Variants in SYCP1 observed in about 807,000 individuals in gnomAD.
The protein encoded by SYCP1 is synaptonemal complex protein 1.
A neutral mutation model predicts 153.1 loss-of-function variants in SYCP1; 64 were observed. The ratio of observed to expected loss-of-function variants is 0.42; its 90% CI spans 0.34 to 0.51. SYCP1 has a LOEUF of 0.51. Among genes scored for constraint, SYCP1 ranks in the 20% least tolerant of loss-of-function variants. SYCP1 has a pLI of 0.06. For synonymous variants in SYCP1, 384 were observed against 341.8 expected (o/e 1.12, Z -1.36); for missense variants, 997 against 1,049.0 (o/e 0.95, Z 0.68).
chr1:114,908,621 TA>T (rs755685119), intron 16 of SYCP1, among the ~76,000 whole-genome samples: 2 of 152,212 alleles, frequency 1.3e-5, no homozygotes, highest in African/African-American at 2.4e-5. Flanking sequence ...TCTTTCCTTG[TA>T]ATCTCCATTG....
rs372189437 is a variant in SYCP1 at position 114,978,619 on chromosome 1, C to A, written c.2382+1003C>A. ...TTTTCTTTACATATAGTGATATAATCTCCTAAGTTCCCACAGAGGTTGCTC... is the reference window on the plus strand; with the variant it reads ...TTTTCTTTACATATAGTGATATAATATCCTAAGTTCCCACAGAGGTTGCTC... On this transcript the variant is annotated intron_variant, in intron 28 of 31. Transcript: ENST00000369522. Among the ~76,000 whole-genome samples, 4 of 151,548 alleles carry A rather than the reference C, an allele frequency of 2.6e-5. No homozygotes were observed. The East Asian group carries it at 5.8e-4, about 22-fold the overall frequency.
intron 17 of SYCP1, 138 bp downstream of exon 17, chr1:114,910,639 T>C: frequency 3.9e-6 from 2 of 513,884 alleles, no homozygotes; most frequent in Non-Finnish European, 6.6e-6. Context: ...CATTAATATA[T>C]TTATGATTGA....
rs752361345 is a variant in SYCP1, at chr1:114,878,235, T to G, written c.910+33T>G. 3 of 1,292,638 alleles carry G rather than the reference T, an allele frequency of 2.3e-6. No homozygotes were observed. The Admixed American group carries it at 6.1e-5, about 26-fold the overall frequency. The allele number at this position is 1,292,638 out of a possible 1,614,324, so 80.1% of individuals were successfully genotyped here. On this transcript the variant is annotated intron_variant, in intron 12 of 31. Transcript: ENST00000369522. The stretch of plus-strand genomic sequence containing the variant: ...TTTATATAAGATAATATAATGTGCC[T>G]TATGTATTCCTCTTGTTATGTTCTA...
chr1:114,977,648 T>C, intron 28 of SYCP1, 32 bp downstream of exon 28: 1 of 1,321,402 alleles, frequency 7.6e-7, no homozygotes, highest in Non-Finnish European at 1.0e-6. Context: ...AGTTTTAAAA[T>C]ACCAATTCAT....
intron 27 of SYCP1, among the ~76,000 whole-genome samples, chr1:114,958,670 C>G (rs1443933606): frequency 6.6e-6 from 1 of 151,272 alleles, no homozygotes; most frequent in Non-Finnish European, 1.5e-5. Context: ...CCTGTAATCC[C>G]AGCACTTTGG....
chr1:114,906,599 G>T (rs914112846), intron 16 of SYCP1, among the ~76,000 whole-genome samples: 64 of 151,988 alleles, frequency 4.2e-4, no homozygotes, highest in African/African-American at 1.4e-3. Flanking sequence ...TTCTCTTGAG[G>T]GTTTTCCTTT....
At chr1:114,994,577 C>T in intron 30 of SYCP1, 121 bp from the exon 31 acceptor site, 1 of 648,062 alleles carries the variant, frequency 1.5e-6, no homozygotes, top group Non-Finnish European at 2.3e-6. Flanking sequence ...GCCCTTCTCC[C>T]TTCTACATCC....
At chr1:114,886,920 A>G (rs1146155) in intron 14 of SYCP1, among the ~76,000 whole-genome samples, 3,561 of 152,064 alleles carry the variant, frequency 0.023, 56 homozygotes, top group South Asian at 0.034. Context: ...ACTACTCTAT[A>G]TTAAGGAAAT....
At chr1:114,921,937 C>T (rs552797670) in intron 20 of SYCP1, among the ~76,000 whole-genome samples, 1 of 152,146 alleles carries the variant, frequency 6.6e-6, no homozygotes, top group East Asian at 1.9e-4. Flanking sequence ...AAAGTTTTTT[C>T]CTTCAGCACT....
intron 23 of SYCP1, among the ~76,000 whole-genome samples, chr1:114,930,270 A>G (rs1042210189): frequency 1.3e-5 from 2 of 152,014 alleles, no homozygotes; most frequent in African/African-American, 2.4e-5. Context: ...TCTAGAAACT[A>G]AAAAAGTGAG....
intron 8 of SYCP1, among the ~76,000 whole-genome samples, chr1:114,867,876 A>G (rs1219989404): frequency 1.3e-5 from 2 of 152,078 alleles, no homozygotes; most frequent in Non-Finnish European, 2.9e-5. Flanking sequence ...ACCATTAAGT[A>G]TGATATTAGC....
chr1:114,854,422 G>A (rs981732882), upstream of SYCP1, among the ~76,000 whole-genome samples: 1 of 152,206 alleles, frequency 6.6e-6, no homozygotes, highest in African/African-American at 2.4e-5. Context: ...ACAGGCGTGA[G>A]CCACCGGCCC....
chr1:114,882,601 G>C (rs1666029980), intron 12 of SYCP1, among the ~76,000 whole-genome samples: 1 of 151,308 alleles, frequency 6.6e-6, no homozygotes, highest in Admixed American at 6.6e-5. Flanking sequence ...TTTCTGTCTT[G>C]TTTATGATAG....
upstream of SYCP1, among the ~76,000 whole-genome samples, chr1:114,854,437 A>G (rs2101226208): frequency 1.3e-5 from 2 of 152,316 alleles, no homozygotes. Context: ...CGGCCCGCCT[A>G]GCCAACTCTC....
At chr1:114,941,125 T>C (rs905354880) in intron 23 of SYCP1, among the ~76,000 whole-genome samples, 1 of 152,130 alleles carries the variant, frequency 6.6e-6, no homozygotes, top group Non-Finnish European at 1.5e-5. Context: ...GTGGAACCCA[T>C]GCAAACTAGA....
chr1:114,891,165 C>T (rs756329927), intron 15 of SYCP1, among the ~76,000 whole-genome samples: 1 of 152,126 alleles, frequency 6.6e-6, no homozygotes, highest in Non-Finnish European at 1.5e-5. Flanking sequence ...TTTTCTTAGA[C>T]TTACATCTTG....
At chr1:114,876,461 T>G (rs1665542361) in intron 10 of SYCP1, among the ~76,000 whole-genome samples, 1 of 151,764 alleles carries the variant, frequency 6.6e-6, no homozygotes, top group Admixed American at 6.6e-5. Context: ...TTATACATAT[T>G]TAAAACCTGT....
Position 114,919,306 on chromosome 1 carries a change from T to G in SYCP1, c.1719-4143T>G, listed in dbSNP as rs535286327. Among the ~76,000 whole-genome samples the G allele has an allele frequency of 4.6e-5, 7 of 152,284 alleles. No individual in the cohort carries two copies. The South Asian group carries it at 1.5e-3, about 32-fold the overall frequency. On this transcript the variant is annotated intron_variant, in intron 20 of 31. Coordinates refer to ENST00000369522, the MANE Select transcript of SYCP1 (RefSeq NM_003176.4). ...AGCATGTTGATATAATGTATCACAT[T>G]GATTTATTTGTATATGTTGATTATC...
chr1:114,905,403 G>A (rs1348847191), intron 16 of SYCP1, among the ~76,000 whole-genome samples: 1 of 152,124 alleles, frequency 6.6e-6, no homozygotes, highest in Non-Finnish European at 1.5e-5. Context: ...CAGACCCAAG[G>A]ATTATATACC....
Sources: allele counts gnomAD v4.1 joint callset (sites outside exome capture counted in the v4.1 genomes callset), GRCh38; gene constraint gnomAD v4.1.1; transcripts MANE v1.5; gene names NCBI Gene and HGNC (gene_info 2026-07-23, HGNC 2026-07-21).